The following RSRC1 variants were observed in gnomAD, a reference collection of about 807,000 sequenced individuals.
RSRC1 encodes serine/Arginine-related protein 53.
RSRC1 carries 39 observed loss-of-function variants against 49.1 expected under a neutral mutation model. The ratio of observed to expected loss-of-function variants is 0.79; its 90% CI spans 0.61 to 1.04. The LOEUF (loss-of-function observed/expected upper bound fraction) is 1.04, where lower values mean the gene tolerates loss of function less well. Ranked by LOEUF, RSRC1 falls within the 50% of genes least tolerant of loss-of-function variation. RSRC1 has a pLI of 0.00. For synonymous variants in RSRC1, 143 were observed against 130.8 expected (o/e 1.09, Z -0.63); for missense variants, 388 against 402.4 (o/e 0.96, Z 0.31).
intron 7 of RSRC1, among the ~76,000 whole-genome samples, chr3:158,495,769 A>G (rs1291484665): frequency 6.6e-6 from 1 of 152,248 alleles, no homozygotes; most frequent in Admixed American, 6.5e-5. Flanking sequence ...TTGAAATAAA[A>G]GCCACTCTCA....
intron 3 of RSRC1, among the ~76,000 whole-genome samples, chr3:158,177,368 A>G (rs545217227): frequency 6.6e-6 from 1 of 152,224 alleles, no homozygotes; most frequent in South Asian, 2.1e-4. Flanking sequence ...CACTATTCAC[A>G]ATAGCAAAGA....
chr3:158,282,916 C>T (rs1214284994), intron 4 of RSRC1, among the ~76,000 whole-genome samples: 1 of 152,098 alleles, frequency 6.6e-6, no homozygotes, highest in East Asian at 1.9e-4. Context: ...TATTGGAGGA[C>T]TTTTGGTGGT....
At chr3:158,135,478 C>G (rs1199283554) in intron 3 of RSRC1, among the ~76,000 whole-genome samples, 1 of 150,300 alleles carries the variant, frequency 6.7e-6, no homozygotes, top group African/African-American at 2.5e-5. Flanking sequence ...CAGGGTTTTA[C>G]CATGTTGGCC....
intron 4 of RSRC1, among the ~76,000 whole-genome samples, chr3:158,229,196 A>G (rs1722759958): frequency 1.1e-5 from 1 of 90,076 alleles, no homozygotes; most frequent in Admixed American, 1.1e-4. Flanking sequence ...AAACATACAT[A>G]TATGTGTATA....
intron 6 of RSRC1, among the ~76,000 whole-genome samples, chr3:158,422,571 C>A (rs1436021753): frequency 8.8e-4 from 132 of 150,336 alleles, no homozygotes; most frequent in African/African-American, 2.9e-3. Flanking sequence ...CATGATTTAT[C>A]GTCCTTTGGG....
chr3:158,276,364 G>T (rs760726007), intron 4 of RSRC1: 7 of 777,068 alleles, frequency 9.0e-6, no homozygotes, highest in African/African-American at 8.4e-5. Context: ...AGAAGAAAGC[G>T]CATGATGACA....
At chr3:158,246,997 C>G (rs1030675232) in intron 4 of RSRC1, among the ~76,000 whole-genome samples, 4 of 151,910 alleles carry the variant, frequency 2.6e-5, no homozygotes, top group Non-Finnish European at 5.9e-5. Flanking sequence ...CATTCTCTCC[C>G]TCACTTTCAG....
At chr3:158,198,466 A>C (rs1720793181) in intron 3 of RSRC1, among the ~76,000 whole-genome samples, 1 of 152,128 alleles carries the variant, frequency 6.6e-6, no homozygotes, top group Admixed American at 6.6e-5. Flanking sequence ...GTGTCTTTTA[A>C]TTGGAGCATT....
intron 1 of RSRC1, among the ~76,000 whole-genome samples, chr3:158,120,185 G>T (rs1360689229): frequency 6.6e-6 from 1 of 152,078 alleles, no homozygotes; most frequent in Non-Finnish European, 1.5e-5. Context: ...ACCTATTGTA[G>T]TTTCATTTTT....
At chr3:158,255,615 G>A (rs1427609414) in intron 4 of RSRC1, among the ~76,000 whole-genome samples, 1 of 152,196 alleles carries the variant, frequency 6.6e-6, no homozygotes. Context: ...GTCATTGGTA[G>A]CTTGATGGGG....
chr3:158,285,362 G>T (rs1453343317), intron 4 of RSRC1, among the ~76,000 whole-genome samples: 1 of 152,174 alleles, frequency 6.6e-6, no homozygotes, highest in Admixed American at 6.5e-5. Context: ...GCCTAGGATT[G>T]ACTTGGCAAT....
chr3:158,340,565 C>T (rs188788775), intron 5 of RSRC1, among the ~76,000 whole-genome samples: 83 of 151,850 alleles, frequency 5.5e-4, no homozygotes, highest in African/African-American at 1.9e-3. Flanking sequence ...AAAAGAAAGA[C>T]AAAAAAAAGA....
At chr3:158,526,818 G>T (rs561823238) in intron 7 of RSRC1, among the ~76,000 whole-genome samples, 1 of 151,992 alleles carries the variant, frequency 6.6e-6, no homozygotes, top group South Asian at 2.1e-4. Flanking sequence ...AATTATGTTA[G>T]GTATCCATTT....
intron 6 of RSRC1, among the ~76,000 whole-genome samples, chr3:158,432,387 A>G (rs1290159708): frequency 6.6e-6 from 1 of 151,950 alleles, no homozygotes; most frequent in African/African-American, 2.4e-5. Context: ...GGCAGTAACC[A>G]GGACATAAGA....
chr3:158,158,674 T>G (rs1019892538), intron 3 of RSRC1, among the ~76,000 whole-genome samples: 3 of 152,154 alleles, frequency 2.0e-5, no homozygotes, highest in African/African-American at 4.8e-5. Flanking sequence ...GCATAGTGGC[T>G]CATGCCTGTA....
chr3:158,271,785 G>A (rs1725530779), intron 4 of RSRC1, among the ~76,000 whole-genome samples: 1 of 151,976 alleles, frequency 6.6e-6, no homozygotes, highest in Non-Finnish European at 1.5e-5. Context: ...CTTTTTAGGT[G>A]TACAAGTCAT....
At chr3:158,213,686 A>G (rs1057311254) in intron 4 of RSRC1, among the ~76,000 whole-genome samples, 2 of 151,928 alleles carry the variant, frequency 1.3e-5, no homozygotes, top group Non-Finnish European at 1.5e-5. Flanking sequence ...ACCTGGAAAT[A>G]GATCATGAAA....
intron 1 of RSRC1, among the ~76,000 whole-genome samples, chr3:158,121,441 T>C (rs1469272876): frequency 6.6e-6 from 1 of 152,154 alleles, no homozygotes; most frequent in Non-Finnish European, 1.5e-5. Flanking sequence ...ATACTAGCAG[T>C]GTGTGAAGAG....
intron 4 of RSRC1, among the ~76,000 whole-genome samples, chr3:158,285,343 G>A (rs1489357222): frequency 6.6e-6 from 1 of 152,150 alleles, no homozygotes; most frequent in East Asian, 1.9e-4. Context: ...CTCCAGCTTT[G>A]TTCTTTTGGC....
Sources: allele counts gnomAD v4.1 joint callset (sites outside exome capture counted in the v4.1 genomes callset), GRCh38; gene constraint gnomAD v4.1.1; transcripts MANE v1.5; gene names NCBI Gene and HGNC (gene_info 2026-07-23, HGNC 2026-07-21).